STAG1: variants seen among roughly 807,000 people sequenced by gnomAD.
STAG1 encodes STAG1 cohesin complex component.
Under a neutral mutation model 170.9 loss-of-function variants are expected in STAG1, and 26 were observed. The observed-to-expected ratio is 0.15, with a 90% CI of 0.11 to 0.21. STAG1 has a LOEUF of 0.21. Ranked by LOEUF, STAG1 falls within the 10% of genes least tolerant of loss-of-function variation. The pLI is 1.00. For synonymous variants in STAG1, 514 were observed against 497.7 expected (o/e 1.03, Z -0.44); for missense variants, 964 against 1,509.5 (o/e 0.64, Z 5.99).
intron 15 of STAG1, among the ~76,000 whole-genome samples, chr3:136,442,903 A>T (rs949364411): frequency 6.6e-6 from 1 of 152,140 alleles, no homozygotes; most frequent in African/African-American, 2.4e-5. Context: ...GCATGTGCCC[A>T]TAGTCTGAGG....
chr3:136,467,353 G>A (rs1271678190), intron 12 of STAG1, among the ~76,000 whole-genome samples: 3 of 152,112 alleles, frequency 2.0e-5, no homozygotes, highest in African/African-American at 4.8e-5. Flanking sequence ...GGCAGGGGTT[G>A]CAATCCTAGT....
chr3:136,606,765 T>A (rs1938964009), intron 3 of STAG1, among the ~76,000 whole-genome samples: 1 of 148,690 alleles, frequency 6.7e-6, no homozygotes, highest in African/African-American at 2.6e-5. Flanking sequence ...TTTTTTTTTT[T>A]TTGGGGACGA....
intron 22 of STAG1, among the ~76,000 whole-genome samples, chr3:136,388,322 AACAC>A (rs1271837851): frequency 6.6e-6 from 1 of 152,172 alleles, no homozygotes; most frequent in Non-Finnish European, 1.5e-5. Context: ...ACCATGTTCC[AACAC>A]ACACACAAAA....
chr3:136,515,379 C>A (rs566470318), intron 7 of STAG1, among the ~76,000 whole-genome samples: 1 of 152,162 alleles, frequency 6.6e-6, no homozygotes, highest in African/African-American at 2.4e-5. Context: ...ACAACAACAA[C>A]AAACAACATT....
chr3:136,387,222 T>C (rs1343092998), intron 22 of STAG1, among the ~76,000 whole-genome samples: 1 of 152,040 alleles, frequency 6.6e-6, no homozygotes. Context: ...ACTACTTAAC[T>C]GTCAGTGTAG....
At chr3:136,730,748 C>A (rs530689794) in intron 1 of STAG1, among the ~76,000 whole-genome samples, 32 of 152,298 alleles carry the variant, frequency 2.1e-4, no homozygotes, top group African/African-American at 6.3e-4. Flanking sequence ...CAAACACTTT[C>A]CTTTGGCACT....
chr3:136,461,584 C>T (rs975080288), intron 13 of STAG1, among the ~76,000 whole-genome samples: 6 of 146,598 alleles, frequency 4.1e-5, no homozygotes, highest in Non-Finnish European at 6.0e-5. Flanking sequence ...AGCAAGACTC[C>T]GTCTTGAAAA....
chr3:136,446,274 A>G (rs113279630), intron 14 of STAG1, among the ~76,000 whole-genome samples: 102 of 152,140 alleles, frequency 6.7e-4, no homozygotes, highest in African/African-American at 2.4e-3. Context: ...TTGCTCACCA[A>G]TGTTTCTTAT....
chr3:136,441,956 G>A (rs1024898445), intron 15 of STAG1, among the ~76,000 whole-genome samples: 3 of 152,192 alleles, frequency 2.0e-5, no homozygotes, highest in Non-Finnish European at 4.4e-5. Context: ...CAAGCACTAT[G>A]GTAGGCCGAG....
chr3:136,417,772 C>G, intron 21 of STAG1, 113 bp downstream of exon 21: 1 of 734,184 alleles, frequency 1.4e-6, no homozygotes, highest in East Asian at 2.7e-5. Flanking sequence ...TCAAAAGAGG[C>G]AGCTGCCCTA....
intron 1 of STAG1, among the ~76,000 whole-genome samples, chr3:136,646,454 T>C (rs998377656): frequency 6.6e-6 from 1 of 152,210 alleles, no homozygotes; most frequent in Admixed American, 6.5e-5. Context: ...TCATTAGTTA[T>C]GAATTATCGG....
chr3:136,381,187 C>A (rs1168247443), intron 22 of STAG1, among the ~76,000 whole-genome samples: 1 of 151,676 alleles, frequency 6.6e-6, no homozygotes, highest in East Asian at 1.9e-4. Flanking sequence ...AAGAAGTAAA[C>A]AAGGATTTGG....
At chr3:136,465,217 T>C (rs922443423) in intron 12 of STAG1, among the ~76,000 whole-genome samples, 1 of 139,372 alleles carries the variant, frequency 7.2e-6, no homozygotes, top group African/African-American at 2.6e-5. Context: ...ACAATTCTTC[T>C]ACAGCTTTTT....
At chr3:136,744,605 A>G (rs1414563482) in intron 1 of STAG1, among the ~76,000 whole-genome samples, 1 of 151,820 alleles carries the variant, frequency 6.6e-6, no homozygotes, top group East Asian at 1.9e-4. Context: ...CAATGAGATT[A>G]CAATTCAATG....
At chr3:136,475,616 C>A (rs2089729774) in intron 10 of STAG1, among the ~76,000 whole-genome samples, 1 of 152,168 alleles carries the variant, frequency 6.6e-6, no homozygotes, top group Non-Finnish European at 1.5e-5. Context: ...GGCTGGATTG[C>A]TATGAGGTAA....
At chr3:136,591,755 C>T (rs1251505276) in intron 4 of STAG1, among the ~76,000 whole-genome samples, 5 of 152,128 alleles carry the variant, frequency 3.3e-5, no homozygotes, top group Non-Finnish European at 7.4e-5. Context: ...ATTAAAAGAA[C>T]TAAATGCAAG....
At chr3:136,668,319 T>C (rs1358833046) in intron 1 of STAG1, among the ~76,000 whole-genome samples, 2 of 145,828 alleles carry the variant, frequency 1.4e-5, no homozygotes, top group African/African-American at 5.0e-5. Flanking sequence ...ATGACATATA[T>C]ATTATACATG....
intron 6 of STAG1, among the ~76,000 whole-genome samples, chr3:136,524,005 G>A (rs913717194): frequency 6.6e-6 from 1 of 152,100 alleles, no homozygotes; most frequent in Admixed American, 6.6e-5. Flanking sequence ...TAGCCTTGTA[G>A]TATAGTTTGA....
intron 16 of STAG1, among the ~76,000 whole-genome samples, chr3:136,427,839 T>C (rs2088178091): frequency 6.6e-6 from 1 of 152,144 alleles, no homozygotes; most frequent in Non-Finnish European, 1.5e-5. Context: ...TGAAGTCATA[T>C]AATAACAACT....
Sources: allele counts gnomAD v4.1 joint callset (sites outside exome capture counted in the v4.1 genomes callset), GRCh38; gene constraint gnomAD v4.1.1; transcripts MANE v1.5; gene names NCBI Gene and HGNC (gene_info 2026-07-23, HGNC 2026-07-21).